Variants in EIF4EBP1 observed in about 807,000 individuals in gnomAD.
The protein encoded by EIF4EBP1 is eukaryotic translation initiation factor 4E-binding protein 1.
EIF4EBP1 carries 5 observed loss-of-function variants against 9.2 expected under a neutral mutation model. The observed-to-expected ratio is 0.54, with a 90% CI of 0.28 to 1.14. The LOEUF is 1.14. Ranked by LOEUF, EIF4EBP1 falls within the 50% of genes most tolerant of loss-of-function variation. EIF4EBP1 has a pLI of 0.09. For synonymous variants in EIF4EBP1, 62 were observed against 67.0 expected (o/e 0.93, Z 0.36); for missense variants, 139 against 169.6 (o/e 0.82, Z 1.00).
At chr8:38,053,995 A>G (rs113074829) in intron 1 of EIF4EBP1, among the ~76,000 whole-genome samples, 1,948 of 152,198 alleles carry the variant, frequency 0.013, 38 homozygotes, top group African/African-American at 0.044. Context: ...CCCTACCGAA[A>G]ATGTTTAAGA....
intron 1 of EIF4EBP1, among the ~76,000 whole-genome samples, chr8:38,048,931 C>A (rs528403857): frequency 6.6e-6 from 1 of 151,802 alleles, no homozygotes; most frequent in Non-Finnish European, 1.5e-5. Flanking sequence ...GAATTCAAGA[C>A]CAGCCTCGAC....
chr8:38,049,024 C>T (rs1425636773), intron 1 of EIF4EBP1, among the ~76,000 whole-genome samples: 1 of 150,876 alleles, frequency 6.6e-6, no homozygotes, highest in Non-Finnish European at 1.5e-5. Flanking sequence ...ACTCGGGAGG[C>T]TGAGGCAGGA....
intron 1 of EIF4EBP1, among the ~76,000 whole-genome samples, chr8:38,050,041 A>T (rs1356564084): frequency 2.0e-5 from 3 of 151,574 alleles, no homozygotes; most frequent in African/African-American, 7.3e-5. Context: ...CCTCCTGAAT[A>T]GCTGGACTAC....
chr8:38,042,708 G>A (rs867127408), intron 1 of EIF4EBP1, among the ~76,000 whole-genome samples: 112 of 152,286 alleles, frequency 7.4e-4, no homozygotes, highest in African/African-American at 2.5e-3. Context: ...TCATCCCCTT[G>A]AAGACTTTAT....
intron 1 of EIF4EBP1, among the ~76,000 whole-genome samples, chr8:38,041,340 C>T (rs550091904): frequency 6.6e-6 from 1 of 151,994 alleles, no homozygotes; most frequent in African/African-American, 2.4e-5. Flanking sequence ...TAACCTCAGG[C>T]GATCTGCCTG....
intron 1 of EIF4EBP1, among the ~76,000 whole-genome samples, chr8:38,045,926 G>C (rs927341703): frequency 6.6e-6 from 1 of 151,256 alleles, no homozygotes; most frequent in South Asian, 2.1e-4. Context: ...GTTTGTTTGA[G>C]ACAGAGTCTT....
intron 1 of EIF4EBP1, among the ~76,000 whole-genome samples, chr8:38,055,963 C>T (rs1456749449): frequency 1.3e-5 from 2 of 152,024 alleles, no homozygotes; most frequent in African/African-American, 2.4e-5. Flanking sequence ...AGGAGGGGCT[C>T]AGCAGGAGAG....
intron 1 of EIF4EBP1, 89 bp downstream of exon 1, chr8:38,030,807 A>C: frequency 7.3e-7 from 1 of 1,361,650 alleles, no homozygotes; most frequent in South Asian, 1.7e-5. Flanking sequence ...TCCAGGCTCA[A>C]GGGCGCCGTG....
At chr8:38,041,209 C>A (rs111882612) in intron 1 of EIF4EBP1, among the ~76,000 whole-genome samples, 1,878 of 152,270 alleles carry the variant, frequency 0.012, 42 homozygotes, top group African/African-American at 0.043. Context: ...TCAAGTGATT[C>A]TTTTGCCTCA....
chr8:38,048,795 C>T (rs533258092), intron 1 of EIF4EBP1, among the ~76,000 whole-genome samples: 2 of 151,358 alleles, frequency 1.3e-5, no homozygotes, highest in Admixed American at 1.3e-4. Context: ...GGTAACATAG[C>T]GAGACCCTGT....
At chr8:38,059,752 T>A (rs1205306593) in intron 2 of EIF4EBP1, 152 bp from the exon 3 acceptor site, 14 of 733,156 alleles carry the variant, frequency 1.9e-5, no homozygotes, top group Non-Finnish European at 3.1e-5. Flanking sequence ...TGAGACTCCA[T>A]CTCAAAAAAA....
chr8:38,036,325 A>G (rs972917094), intron 1 of EIF4EBP1, among the ~76,000 whole-genome samples: 2 of 149,610 alleles, frequency 1.3e-5, no homozygotes, highest in Non-Finnish European at 2.9e-5. Context: ...CTTGGCCAAC[A>G]TGGTGAAACC....
At chr8:38,058,235 T>G (rs1320103568) in intron 2 of EIF4EBP1, among the ~76,000 whole-genome samples, 3 of 152,186 alleles carry the variant, frequency 2.0e-5, no homozygotes, top group Non-Finnish European at 4.4e-5. Context: ...TTCTTACAGT[T>G]CTAGAGGCTG....
chr8:38,049,077 A>G (rs961472817), intron 1 of EIF4EBP1, among the ~76,000 whole-genome samples: 20 of 150,856 alleles, frequency 1.3e-4, no homozygotes, highest in Middle Eastern at 3.2e-3. Flanking sequence ...GTGAGCCGAG[A>G]TTGCGCCATT....
At chr8:38,052,690 C>G (rs1219955461) in intron 1 of EIF4EBP1, among the ~76,000 whole-genome samples, 1 of 151,898 alleles carries the variant, frequency 6.6e-6, no homozygotes, top group Non-Finnish European at 1.5e-5. Context: ...TGCACTCCAG[C>G]CTGGGCAACA....
chr8:38,039,143 C>T lies in EIF4EBP1; in HGVS notation c.145+8425C>T, dbSNP rs148605132. 5.3e-3 allele frequency among the ~76,000 whole-genome samples: 811 copies of T among 152,148 alleles called. 4 individuals are homozygous for T. The highest frequency in any genetic ancestry group is 0.01 in the Middle Eastern group (3 of 294). On this transcript the variant is annotated intron_variant, in intron 1 of 2. Coordinates refer to ENST00000338825, the MANE Select transcript of EIF4EBP1 (RefSeq NM_004095.4). ...CCAAGCTCAGGTGATCCGCCCACCT[C>T]GTCCTCCCAAAGTGTTGGGATTACA...
chr8:38,057,809 G>A lies in EIF4EBP1; in HGVS notation c.325+549G>A, dbSNP rs1809619016. 3.9e-5 allele frequency among the ~76,000 whole-genome samples: 6 copies of A among 152,288 alleles called. 1 individual carries two copies. The South Asian group carries it at 1.2e-3, about 32-fold the overall frequency. On this transcript the variant is annotated intron_variant, in intron 2 of 2. Transcript: ENST00000338825. Reference sequence around the variant, plus strand: ...TCTGCCGATTTGACATTTGGTAGCTGGGTCCTTCCTGCTGTCCCCACCTCC... The same window carrying A: ...TCTGCCGATTTGACATTTGGTAGCTAGGTCCTTCCTGCTGTCCCCACCTCC...
chr8:38,030,802 G>A, intron 1 of EIF4EBP1, 84 bp downstream of exon 1: 1 of 1,362,094 alleles, frequency 7.3e-7, no homozygotes, highest in Non-Finnish European at 9.4e-7. Context: ...GGGTGTCCAG[G>A]CTCAAGGGCG....
At chr8:38,033,908 G>A (rs1180782472) in intron 1 of EIF4EBP1, among the ~76,000 whole-genome samples, 1 of 151,710 alleles carries the variant, frequency 6.6e-6, no homozygotes, top group Non-Finnish European at 1.5e-5. Flanking sequence ...GATCAAGCCC[G>A]GCTGATTTTT....
Sources: gnomAD v4.1 joint callset for allele counts (sites outside exome capture counted in the v4.1 genomes callset) on GRCh38, gnomAD v4.1.1 for gene constraint, MANE v1.5 for transcripts, NCBI Gene and HGNC (gene_info 2026-07-23, HGNC 2026-07-21) for gene names.